Variants in SIN3A observed in about 807,000 individuals in gnomAD.
SIN3A encodes SIN3 transcription regulator family member A, also known as paired amphipathic helix protein Sin3a.
A neutral mutation model predicts 146.1 loss-of-function variants in SIN3A; 14 were observed. That is an observed-to-expected ratio of 0.10 (90% CI 0.06 to 0.15). The LOEUF is 0.15. Among genes scored for constraint, SIN3A ranks in the 10% least tolerant of loss-of-function variants. SIN3A has a pLI of 1.00. For synonymous variants in SIN3A, 572 were observed against 572.0 expected (o/e 1.00, Z 0.00); for missense variants, 1,028 against 1,576.0 (o/e 0.65, Z 5.89).
At chr15:75,451,828 TC>T (rs752237038), upstream of SIN3A, 89 of 147,858 alleles carry the variant, frequency 6.0e-4, no homozygotes, top group Non-Finnish European at 1.0e-3. Flanking sequence ...TCCCGCCCCT[TC>T]CCCCTCGACT....
At chr15:75,372,665 A>G (rs929079472) in intron 20 of SIN3A, among the ~76,000 whole-genome samples, 4 of 151,900 alleles carry the variant, frequency 2.6e-5, no homozygotes, top group Admixed American at 6.6e-5. Context: ...CTACAAAAAT[A>G]CAAATAATAA....
At chr15:75,442,604 T>C (rs2074235820) in intron 1 of SIN3A, among the ~76,000 whole-genome samples, 1 of 127,602 alleles carries the variant, frequency 7.8e-6, no homozygotes, top group South Asian at 2.4e-4. Context: ...CATAGTGAGA[T>C]AGATCCCATC....
chr15:75,433,429 T>C (rs1174718520), intron 1 of SIN3A, among the ~76,000 whole-genome samples: 1 of 152,148 alleles, frequency 6.6e-6, no homozygotes, highest in Non-Finnish European at 1.5e-5. Flanking sequence ...TAAAATATCG[T>C]TTCTTTTATT....
intron 6 of SIN3A, among the ~76,000 whole-genome samples, chr15:75,411,011 G>A (rs1567366809): frequency 6.8e-6 from 1 of 147,848 alleles, no homozygotes; most frequent in Non-Finnish European, 1.5e-5. Context: ...GAATGTTGCA[G>A]GGCAATCAAG....
chr15:75,425,980 A>C (rs2073917484), intron 2 of SIN3A, among the ~76,000 whole-genome samples: 1 of 152,226 alleles, frequency 6.6e-6, no homozygotes, highest in South Asian at 2.1e-4. Context: ...AAAAGAAACT[A>C]TTTAGACAAT....
chr15:75,416,708 T>C (rs2073743671), intron 3 of SIN3A, among the ~76,000 whole-genome samples: 1 of 152,234 alleles, frequency 6.6e-6, no homozygotes, highest in South Asian at 2.1e-4. Context: ...TTTTACATCC[T>C]GTTCTCCCTC....
intron 8 of SIN3A, among the ~76,000 whole-genome samples, chr15:75,409,197 C>T (rs1388369836): frequency 2.6e-5 from 4 of 151,162 alleles, no homozygotes; most frequent in African/African-American, 7.3e-5. Context: ...GAGCAAGACT[C>T]CATCTCAAAA....
chr15:75,390,545 T>C (rs1341370040), intron 15 of SIN3A, among the ~76,000 whole-genome samples: 1 of 152,198 alleles, frequency 6.6e-6, no homozygotes, highest in Admixed American at 6.5e-5. Flanking sequence ...TTTAGCTTAC[T>C]AAAGACCCAT....
chr15:75,416,801 C>G (rs965999152), intron 3 of SIN3A, among the ~76,000 whole-genome samples: 1 of 152,248 alleles, frequency 6.6e-6, no homozygotes, highest in East Asian at 1.9e-4. Flanking sequence ...ATATGTCAGG[C>G]AGTCAAACTT....
intron 19 of SIN3A, among the ~76,000 whole-genome samples, chr15:75,380,032 T>A (rs1193811206): frequency 6.6e-6 from 1 of 152,238 alleles, no homozygotes; most frequent in Non-Finnish European, 1.5e-5. Flanking sequence ...CTATAGCTTA[T>A]GCTGAAAATG....
intron 2 of SIN3A, 129 bp downstream of exon 2, chr15:75,430,057 AT>A (rs797002247): frequency 0.1 from 47,278 of 466,420 alleles, 2 homozygotes; most frequent in South Asian, 0.15. Flanking sequence ...GTACACAGTT[AT>A]TTTTTTTTTT....
At chr15:75,403,161 G>A (rs1251604779) in intron 9 of SIN3A, among the ~76,000 whole-genome samples, 3 of 151,626 alleles carry the variant, frequency 2.0e-5, no homozygotes, top group Admixed American at 1.3e-4. Context: ...AGTGGCTCAC[G>A]CCTGTAGTCC....
intron 1 of SIN3A, among the ~76,000 whole-genome samples, chr15:75,451,019 C>A (rs1323740065): frequency 6.6e-6 from 1 of 151,840 alleles, no homozygotes; most frequent in Non-Finnish European, 1.5e-5. Flanking sequence ...GGAGACCCCC[C>A]CCTACCCCTC....
Position 75,400,907 on chromosome 15 carries a change from G to A in SIN3A, c.1560C>T (p.Asn520=). The change falls in exon 11 of 21, where the codon AAC becomes AAT. Residue 520 remains asparagine, a synonymous_variant. Transcript: ENST00000394947. The part of the protein sequence containing the change: ...KFPELFNWFK[N]FLGYKESVHL... ...GTACAGACTCCTTATAGCCCAGAAAGTTTTTAAACCAATTAAACAACTCAG... is the reference window on the plus strand; with the variant it reads ...GTACAGACTCCTTATAGCCCAGAAAATTTTTAAACCAATTAAACAACTCAG... 2 of 1,613,824 alleles carry A rather than the reference G, an allele frequency of 1.2e-6. No individual in the cohort carries two copies. Among genetic ancestry groups the A allele is most frequent in the South Asian group, 1.1e-5 (1 of 91,072 alleles).
At chr15:75,442,402 G>A (rs1004993132) in intron 1 of SIN3A, among the ~76,000 whole-genome samples, 18 of 150,470 alleles carry the variant, frequency 1.2e-4, no homozygotes, top group Admixed American at 9.3e-4. Flanking sequence ...CGAACGTCTG[G>A]GCTCAAGCGA....
chr15:75,380,598 G>A, intron 19 of SIN3A, 31 bp downstream of exon 19: 1 of 1,474,430 alleles, frequency 6.8e-7, no homozygotes, highest in Non-Finnish European at 9.5e-7. Context: ...TGCACAGTAT[G>A]GACTGCTGAC....
In SIN3A at chr15:75,433,634, C is replaced by T. The variant is rs530547984; in HGVS notation, c.-33-3226G>A. 4.4e-4 allele frequency among the ~76,000 whole-genome samples: 67 copies of T among 151,978 alleles called. No individual in the cohort carries two copies. The South Asian group carries it at 0.012, about 27-fold the overall frequency. On this transcript the variant is annotated intron_variant, in intron 1 of 20. Transcript: ENST00000394947. The stretch of plus-strand genomic sequence containing the variant: ...GACCATCCTGGCTAACATGGTGAAA[C>T]CCCGTCTCTACTAAAAATACAAAAA...
chr15:75,375,190 T>C (rs1401368152), intron 20 of SIN3A, among the ~76,000 whole-genome samples: 1 of 152,196 alleles, frequency 6.6e-6, no homozygotes, highest in Non-Finnish European at 1.5e-5. Context: ...TGAGAGGCTG[T>C]GTCAGGTGAG....
intron 13 of SIN3A, among the ~76,000 whole-genome samples, chr15:75,395,977 A>G (rs1455863204): frequency 6.6e-6 from 1 of 152,194 alleles, no homozygotes. Context: ...TGGCAGGAAC[A>G]TGGGTGGTAA....
Sources: gnomAD v4.1 joint callset for allele counts (sites outside exome capture counted in the v4.1 genomes callset) on GRCh38, gnomAD v4.1.1 for gene constraint, MANE v1.5 for transcripts, NCBI Gene and HGNC (gene_info 2026-07-23, HGNC 2026-07-21) for gene names.